The following IRGM variants were observed in gnomAD, a reference collection of about 807,000 sequenced individuals.
The protein encoded by IRGM is immunity-related GTPase family M protein.
For missense variants in IRGM, 288 were observed against 219.9 expected, an observed-to-expected ratio of 1.31 and a Z score of -1.96; for synonymous variants, 98 against 80.6, an observed-to-expected ratio of 1.22 and a Z score of -1.16.
intron 1 of IRGM, among the ~76,000 whole-genome samples, chr5:150,866,004 G>A (rs1393681592): frequency 6.6e-6 from 1 of 152,114 alleles, no homozygotes; most frequent in Non-Finnish European, 1.5e-5. Flanking sequence ...TGATCCACCC[G>A]CCTTGGCCTC....
At chr5:150,862,374 G>A (rs1048181905) in intron 1 of IRGM, among the ~76,000 whole-genome samples, 7 of 152,354 alleles carry the variant, frequency 4.6e-5, no homozygotes, top group African/African-American at 9.6e-5. Context: ...CACATTCAAG[G>A]AGATTGTACA....
chr5:150,856,305 C>T (rs540313627), intron 1 of IRGM, among the ~76,000 whole-genome samples: 34 of 152,164 alleles, frequency 2.2e-4, no homozygotes, highest in Middle Eastern at 3.4e-3. Flanking sequence ...GTGGTGTGCA[C>T]CTGTGGTCCC....
At chr5:150,849,601 C>T (rs1454355884), downstream of IRGM, among the ~76,000 whole-genome samples, 23 of 141,262 alleles carry the variant, frequency 1.6e-4, no homozygotes, top group African/African-American at 6.2e-4. Context: ...TTTTCTTTTT[C>T]TCTCTTTTTT....
rs570278583 is a variant in IRGM, at chr5:150,893,225, C to T, written c.*141-7364C>T. On this transcript the variant is annotated intron_variant and NMD_transcript_variant, in intron 3 of 3. Transcript: ENST00000520549. The stretch of plus-strand genomic sequence containing the variant: ...AGTTTCCTCCCATTGTTCTAGAATG[C>T]CAACTTTGTCATAATTCAAGTGTCT... 3.5e-4 allele frequency among the ~76,000 whole-genome samples: 53 copies of T among 152,220 alleles called. No homozygotes were observed. The South Asian group carries it at 0.011, about 30-fold the overall frequency.
At position 150,896,042 on chromosome 5, in the gene IRGM, G is replaced by T. The variant is rs145326125; in HGVS notation, c.*141-4547G>T. ...GCTTCTCTCCAGTATGAGCTCTGTGGTGTATAATCAGCTGTGACTTCTGGG... is the reference window on the plus strand; with the variant it reads ...GCTTCTCTCCAGTATGAGCTCTGTGTTGTATAATCAGCTGTGACTTCTGGG... On this transcript the variant is annotated intron_variant and NMD_transcript_variant, in intron 3 of 3. Coordinates refer to the IRGM transcript ENST00000520549. The T allele has an allele frequency of 4.3e-6, 7 of 1,613,020 alleles. No homozygotes were observed. The African/African-American group carries it at 8.0e-5, about 19-fold the overall frequency.
At chr5:150,873,480 A>T (rs570328007) in intron 1 of IRGM, among the ~76,000 whole-genome samples, 2 of 152,324 alleles carry the variant, frequency 1.3e-5, no homozygotes, top group South Asian at 2.1e-4. Flanking sequence ...ATAACTATGC[A>T]CTGGGGAAAG....
At chr5:150,881,379 A>T (rs1754442790) in intron 3 of IRGM, among the ~76,000 whole-genome samples, 2 of 152,198 alleles carry the variant, frequency 1.3e-5, no homozygotes, top group Non-Finnish European at 2.9e-5. Flanking sequence ...GTACCTGGCA[A>T]ACTGTGCTTC....
rs949292031 is a variant in IRGM at position 150,848,417 on chromosome 5, C to T, written c.294C>T (p.Thr98=). The T allele has an allele frequency of 1.9e-6, 3 of 1,551,718 alleles. No individual in the cohort carries two copies. The African/African-American group carries it at 4.1e-5, about 21-fold the overall frequency. ...LWDLPGTGSA[T]TTLENYLMEM... ...ACCTGCCTGGCACAGGGTCTGCCAC[C>T]ACAACCCTGGAGAACTACCTGATGG... The change falls in exon 2 of 2, where the codon ACC becomes ACT. Residue 98 remains threonine, a synonymous_variant. Transcript: ENST00000522154.
intron 1 of IRGM, among the ~76,000 whole-genome samples, chr5:150,859,176 T>C (rs1233486347): frequency 6.6e-6 from 1 of 152,186 alleles, no homozygotes; most frequent in East Asian, 1.9e-4. Context: ...CTGCATCTAT[T>C]GAGATAATGA....
Position 150,857,800 on chromosome 5 carries a change from T to G in IRGM, c.158+9146T>G, listed in dbSNP as rs576894023. On this transcript the variant is annotated intron_variant and NMD_transcript_variant, in intron 1 of 3. Coordinates refer to the IRGM transcript ENST00000520549. The stretch of plus-strand genomic sequence containing the variant: ...TGTTTGTTTTTTTCTTGTAAATTTG[T>G]TTGAGTTGTAGATTCTGGATCTTAG... Among the ~76,000 whole-genome samples the G allele has an allele frequency of 9.4e-4, 143 of 152,278 alleles. 1 individual carries two copies. Among genetic ancestry groups the G allele is most frequent in the African/African-American group, 3.3e-3 (137 of 41,562 alleles).
chr5:150,851,830 C>T (rs1753980295), downstream of IRGM, among the ~76,000 whole-genome samples: 1 of 152,146 alleles, frequency 6.6e-6, no homozygotes, highest in African/African-American at 2.4e-5. Flanking sequence ...GTAGATGAAT[C>T]TGGAATTTGT....
chr5:150,874,681 TG>T (rs1471283286), intron 1 of IRGM, among the ~76,000 whole-genome samples: 1 of 152,240 alleles, frequency 6.6e-6, no homozygotes, highest in African/African-American at 2.4e-5. Context: ...CAAGCTTTTC[TG>T]CCATTTGGGC....
At chr5:150,894,687 A>G (rs1754690338) in intron 3 of IRGM, 1 of 145,960 alleles carries the variant, frequency 6.9e-6, no homozygotes, top group South Asian at 2.1e-4. Context: ...ACTTACTGAT[A>G]AAAAATACTC....
chr5:150,857,026 A>G (rs1375004529), intron 1 of IRGM, among the ~76,000 whole-genome samples: 3 of 151,682 alleles, frequency 2.0e-5, no homozygotes, highest in Non-Finnish European at 4.4e-5. Flanking sequence ...GGTGTGCTGC[A>G]CCCATTAACT....
Position 150,846,548 on chromosome 5 carries a change from C to G in IRGM, c.-1088C>G, listed in dbSNP as rs1172989163. On this transcript the variant is annotated 5_prime_UTR_variant, in exon 1 of 2. Transcript: ENST00000522154. ...TAACCTGCTCAGGTCCCCTTCCATGCTGTGGAAGCTTTGTTTTTTTGCACT... is the reference window on the plus strand; with the variant it reads ...TAACCTGCTCAGGTCCCCTTCCATGGTGTGGAAGCTTTGTTTTTTTGCACT... The G allele has an allele frequency of 1.3e-5, 2 of 152,096 alleles. No homozygotes were observed. The highest frequency in any genetic ancestry group is 4.8e-5 in the African/African-American group (2 of 41,392). The allele number at this position is 152,096 out of a possible 1,614,324, so 9.4% of individuals were successfully genotyped here.
At chr5:150,898,386 T>C (rs768900550) in intron 3 of IRGM, 1 of 1,613,326 alleles carries the variant, frequency 6.2e-7, no homozygotes, top group Non-Finnish European at 8.5e-7. Flanking sequence ...GGAAAGGCAC[T>C]TGATTGGACA....
At chr5:150,891,974 A>G (rs1447296627) in intron 3 of IRGM, among the ~76,000 whole-genome samples, 1 of 152,078 alleles carries the variant, frequency 6.6e-6, no homozygotes. Context: ...ATACTTTCCA[A>G]TCCTACAGGG....
intron 3 of IRGM, among the ~76,000 whole-genome samples, chr5:150,888,516 T>C (rs1754558563): frequency 6.6e-6 from 1 of 152,000 alleles, no homozygotes; most frequent in Admixed American, 6.6e-5. Flanking sequence ...ATTCTTCTCA[T>C]TGCCACATGG....
intron 3 of IRGM, chr5:150,898,438 C>G: frequency 6.2e-7 from 1 of 1,613,362 alleles, no homozygotes; most frequent in South Asian, 1.1e-5. Context: ...CCATTGAGAC[C>G]AGGTGGCTGT....
Sources: gnomAD v4.1 joint callset for allele counts (sites outside exome capture counted in the v4.1 genomes callset) on GRCh38, gnomAD v4.1.1 for gene constraint, MANE v1.5 for transcripts, NCBI Gene and HGNC (gene_info 2026-07-23, HGNC 2026-07-21) for gene names.